Variants in S1PR4 observed in about 807,000 individuals in gnomAD.
The protein encoded by S1PR4 is sphingosine 1-phosphate receptor 4.
A neutral mutation model predicts 0.4 loss-of-function variants in S1PR4; 1 was observed. The ratio of observed to expected loss-of-function variants is 2.48; its 90% confidence interval spans 0.88 to 11.76. S1PR4 has a LOEUF of 11.76. Among genes scored for constraint, S1PR4 ranks in the 30% most tolerant of loss-of-function variants. S1PR4 has a pLI of 0.12. For missense variants in S1PR4, 595 were observed against 557.8 expected, an observed-to-expected ratio of 1.07 and a Z score of -0.67; for synonymous variants, 296 against 266.7, an observed-to-expected ratio of 1.11 and a Z score of -1.07.
In S1PR4 at chr19:3,179,216, G is replaced by T. The variant is rs886599845; in HGVS notation, c.424G>T (p.Glu142Ter). The stretch of plus-strand genomic sequence containing the variant: ...CTTCAGCCTGCTCTTCACTGCAGGG[G>T]AGCGCTTTGCCACCATGGTGCGGCC... ...STFSLLFTAG[E>*]RFATMVRPVA... Residue 142 changes from glutamate to a stop codon, truncating the protein, a stop_gained, in exon 1 of 1, where the codon GAG (glutamate) becomes TAG (stop). Coordinates refer to ENST00000246115, the MANE Select transcript of S1PR4 (RefSeq NM_003775.4). LOFTEE classifies it low-confidence loss of function (END_TRUNC). The T allele has an allele frequency of 6.2e-7, 1 of 1,603,252 alleles. No homozygotes were observed. The highest frequency in any genetic ancestry group is 8.5e-7 in the Non-Finnish European group (1 of 1,174,294).
rs769182864 is a variant in S1PR4, at chr19:3,178,950, C to T, written c.158C>T (p.Ser53Leu). The T allele has an allele frequency of 8.4e-6, 13 of 1,541,760 alleles. No individual in the cohort carries two copies. Among genetic ancestry groups the T allele is most frequent in the African/African-American group, 1.4e-5 (1 of 73,006 alleles). ...DGGLGALRGL[S>L]VAASCLVVLE... ...GGCCTGGGGGCCCTGCGGGGGCTGTCGGTGGCCGCCAGCTGCCTGGTGGTG... is the reference window on the plus strand; with the variant it reads ...GGCCTGGGGGCCCTGCGGGGGCTGTTGGTGGCCGCCAGCTGCCTGGTGGTG... Residue 53 changes from serine to leucine, a missense_variant, in exon 1 of 1, where the codon TCG (serine) becomes TTG (leucine). Transcript: ENST00000246115.
Position 3,178,876 on chromosome 19 carries a change from C to T in S1PR4, c.84C>T (p.His28=), listed in dbSNP as rs1173435559. Residue 28 remains histidine, a synonymous_variant, in exon 1 of 1, where the codon CAC becomes CAT. Coordinates refer to ENST00000246115, the MANE Select transcript of S1PR4 (RefSeq NM_003775.4). The part of the protein sequence containing the change: ...AGGHSRLIVL[H]YNHSGRLAGR... ...GGCACAGCCGGCTCATTGTTCTGCA[C>T]TACAACCACTCGGGCCGGCTGGCCG... 1.3e-6 allele frequency: 2 copies of T among 1,538,574 alleles called. No individual in the cohort carries two copies. The highest frequency in any genetic ancestry group is 2.0e-5 in the Admixed American group (1 of 50,506).
Position 3,179,987 on chromosome 19 carries a change from C to T in S1PR4, c.*40C>T, listed in dbSNP as rs199944949. 10 of 1,495,060 alleles carry T rather than the reference C, an allele frequency of 6.7e-6. No individual in the cohort carries two copies. In the Admixed American group the frequency reaches 7.1e-5, roughly 11 times the overall value. The allele number at this position is 1,495,060 out of a possible 1,614,324, so 92.6% of individuals were successfully genotyped here. ...GTGTGGATGGTGCAGCCACCGGGTG[C>T]GTGCCAGGCAGGCCCTCCTGGGGTA... On this transcript the variant is annotated 3_prime_UTR_variant, in exon 1 of 1. Transcript: ENST00000246115.
rs570365956 is a variant in S1PR4 at position 3,180,060 on chromosome 19, G to A, written c.*113G>A. 49 of 1,048,766 alleles carry A rather than the reference G, an allele frequency of 4.7e-5. No individual in the cohort carries two copies. Among genetic ancestry groups the A allele is most frequent in the Middle Eastern group, 2.6e-4 (1 of 3,782 alleles). The allele number at this position is 1,048,766 out of a possible 1,614,324, so 65.0% of individuals were successfully genotyped here. On this transcript the variant is annotated 3_prime_UTR_variant, in exon 1 of 1. Coordinates refer to ENST00000246115, the MANE Select transcript of S1PR4 (RefSeq NM_003775.4). ...CTCGCCTGTATGGGGAGCAGGGAAC[G>A]GGACAGGCCCCCATGGTCTTCCCGG...
In S1PR4 at chr19:3,179,866, G is replaced by A. The variant is rs201295160; in HGVS notation, c.1074G>A (p.Arg358=). 1.7e-4 allele frequency: 266 copies of A among 1,555,260 alleles called. 2 individuals carry two copies. The African/African-American group carries it at 3.1e-3, about 18-fold the overall frequency. ...ASTTDSSLRP[R]DSFRGSRSLS... Reference sequence around the variant, plus strand: ...CCACCGACAGCTCTCTGAGGCCAAGGGACAGCTTTCGCGGCTCCCGCTCGC... The same window carrying A: ...CCACCGACAGCTCTCTGAGGCCAAGAGACAGCTTTCGCGGCTCCCGCTCGC... The change falls in exon 1 of 1, where the codon AGG becomes AGA. Residue 358 remains arginine (R), a synonymous_variant. Transcript: ENST00000246115.
At position 3,179,358 on chromosome 19, in the gene S1PR4, C is replaced by T. The variant is rs1915498570; in HGVS notation, c.566C>T (p.Ala189Val). Residue 189 changes from alanine (A) to valine (V), a missense_variant, in exon 1 of 1, where the codon GCC becomes GTC. Transcript: ENST00000246115. ...TTGCTGGGCTGGAACTGCCTGTGCGCCTTTGACCGCTGCTCCAGCCTTCTG... is the reference window on the plus strand; with the variant it reads ...TTGCTGGGCTGGAACTGCCTGTGCGTCTTTGACCGCTGCTCCAGCCTTCTG... Reference protein sequence around the residue: ...LPLLGWNCLCAFDRCSSLLPL... With the variant: ...LPLLGWNCLCVFDRCSSLLPL... 1.9e-6 allele frequency: 3 copies of T among 1,613,186 alleles called. No homozygotes were observed. The highest frequency in any genetic ancestry group is 2.5e-6 in the Non-Finnish European group (3 of 1,179,922).
In S1PR4 at chr19:3,178,924, C is replaced by A. The variant is rs533330844; in HGVS notation, c.132C>A (p.Gly44=). Residue 44 remains glycine, a synonymous_variant, in exon 1 of 1, where the codon GGC becomes GGA. Transcript: ENST00000246115. ...CCGGGCGCGGGGGGCCGGAGGATGG[C>A]GGCCTGGGGGCCCTGCGGGGGCTGT... is the stretch of plus-strand genomic sequence containing the variant. The part of the protein sequence containing the change: ...RLAGRGGPED[G]GLGALRGLSV... The A allele has an allele frequency of 3.9e-6, 6 of 1,526,132 alleles. No individual in the cohort carries two copies. The highest frequency in any genetic ancestry group is 3.6e-5 in the South Asian group (3 of 82,752). 94.5% of individuals were successfully genotyped at this position (1,526,132 alleles called of 1,614,324 possible).
Position 3,179,811 on chromosome 19 carries a change from G to T in S1PR4, c.1019G>T (p.Arg340Leu), listed in dbSNP as rs199744093. 4.4e-6 allele frequency: 7 copies of T among 1,595,908 alleles called. No homozygotes were observed. The East Asian group carries it at 9.0e-5, about 20-fold the overall frequency. The stretch of plus-strand genomic sequence containing the variant: ...CGAGGGCCCGGGGACTGCCTGGCCC[G>T]GGCCGTCGAGGCTCACTCCGGAGCT... ...GMRGPGDCLA[R>L]AVEAHSGAST... Residue 340 changes from arginine to leucine, a missense_variant, in exon 1 of 1, where the codon CGG (arginine) becomes CTG (leucine). Arg to Leu is a moderately radical substitution (Grantham distance 102). Transcript: ENST00000246115.
In S1PR4 at chr19:3,178,811, C is replaced by A; in HGVS notation, c.19C>A (p.Pro7Thr). Residue 7 changes from proline to threonine, a missense_variant, in exon 1 of 1, where the codon CCG (proline) becomes ACG (threonine). Physicochemically the swap from Pro to Thr is conservative, Grantham distance 38. Coordinates refer to ENST00000246115, the MANE Select transcript of S1PR4 (RefSeq NM_003775.4). ...GGAGGCCATGAACGCCACGGGGACC[C>A]CGGTGGCCCCCGAGTCCTGCCAACA... MNATGT[P>T]VAPESCQQLA... 6.6e-7 allele frequency: 1 copy of A among 1,516,898 alleles called. No individual in the cohort carries two copies. Among genetic ancestry groups the A allele is most frequent in the Non-Finnish European group, 8.8e-7 (1 of 1,139,470 alleles). The allele number at this position is 1,516,898 out of a possible 1,614,324, so 94.0% of individuals were successfully genotyped here.
Position 3,178,929 on chromosome 19 carries a change from T to G in S1PR4, c.137T>G (p.Leu46Arg). Residue 46 changes from leucine (L) to arginine (R), a missense_variant, in exon 1 of 1, where the codon CTG becomes CGG. By Grantham distance (102) the Leu-to-Arg change is moderately radical. Transcript: ENST00000246115. ...CGCGGGGGGCCGGAGGATGGCGGCC[T>G]GGGGGCCCTGCGGGGGCTGTCGGTG... is the stretch of plus-strand genomic sequence containing the variant. Reference protein sequence around the residue: ...AGRGGPEDGGLGALRGLSVAA... With the variant: ...AGRGGPEDGGRGALRGLSVAA... 1.3e-6 allele frequency: 2 copies of G among 1,530,008 alleles called. No homozygotes were observed. The highest frequency in any genetic ancestry group is 1.7e-6 in the Non-Finnish European group (2 of 1,144,158). 94.8% of individuals were successfully genotyped at this position (1,530,008 alleles called of 1,614,324 possible). A position where few individuals can be genotyped will look rare whatever the true frequency, so the allele number is the denominator to read the frequency against.
At position 3,179,751 on chromosome 19, in the gene S1PR4, G is replaced by C. The variant is rs565244887; in HGVS notation, c.959G>C (p.Ser320Thr). 6.2e-7 allele frequency: 1 copy of C among 1,611,922 alleles called. No homozygotes were observed. The highest frequency in any genetic ancestry group is 2.2e-5 in the East Asian group (1 of 44,828). ...AGGGAGGTGTGCAGAGCCGTGCTCA[G>C]CTTCCTCTGCTGCGGGTGTCTCCGG... The part of the protein sequence containing the change: ...RSREVCRAVL[S>T]FLCCGCLRLG... Residue 320 changes from serine (S) to threonine (T), a missense_variant, in exon 1 of 1, where the codon AGC becomes ACC. By Grantham distance (58) the Ser-to-Thr change is moderately conservative. Coordinates refer to ENST00000246115, the MANE Select transcript of S1PR4 (RefSeq NM_003775.4).
rs1568305204 is a variant in S1PR4, at chr19:3,178,906, C to CG, written c.120dup (p.Pro41AlafsTer52). ...ACCACTCGGGCCGGCTGGCCGGGCG[C>CG]GGGGGGCCGGAGGATGGCGGCCTGG... On this transcript the variant is annotated frameshift_variant, in exon 1 of 1. Coordinates refer to ENST00000246115, the MANE Select transcript of S1PR4 (RefSeq NM_003775.4). LOFTEE classifies it low-confidence loss of function (END_TRUNC). 5 of 1,522,448 alleles carry CG rather than the reference C, an allele frequency of 3.3e-6. No individual in the cohort carries two copies. Among genetic ancestry groups the CG allele is most frequent in the East Asian group, 4.9e-5 (2 of 40,554 alleles). The allele number at this position is 1,522,448 out of a possible 1,614,324, so 94.3% of individuals were successfully genotyped here.
chr19:3,180,158 T>C lies in S1PR4; in HGVS notation c.*211T>C. The C allele has an allele frequency of 2.2e-6, 1 of 463,266 alleles. No homozygotes were observed. Among genetic ancestry groups the C allele is most frequent in the Non-Finnish European group, 3.9e-6 (1 of 257,588 alleles). The allele number at this position is 463,266 out of a possible 1,614,324, so 28.7% of individuals were successfully genotyped here. A position where few individuals can be genotyped will look rare whatever the true frequency, so the allele number is the denominator to read the frequency against. On this transcript the variant is annotated 3_prime_UTR_variant, in exon 1 of 1. Coordinates refer to ENST00000246115, the MANE Select transcript of S1PR4 (RefSeq NM_003775.4). ...TGGACAAGGAGGCAACCACCCCACC[T>C]CCCCGTAGGAGCAGAGAGCACCCTG... is the stretch of plus-strand genomic sequence containing the variant.
Position 3,179,950 on chromosome 19 carries a change from T to G in S1PR4, c.*3T>G. 1 of 1,510,238 alleles carries G rather than the reference T, an allele frequency of 6.6e-7. No individual in the cohort carries two copies. The highest frequency in any genetic ancestry group is 8.9e-7 in the Non-Finnish European group (1 of 1,129,678). The allele number at this position is 1,510,238 out of a possible 1,614,324, so 93.6% of individuals were successfully genotyped here. A position where few individuals can be genotyped will look rare whatever the true frequency, so the allele number is the denominator to read the frequency against. ...TCTCCAGCGTGCGGAGCATCTGAAG[T>G]TGCAGTCTTGCGTGTGGATGGTGCA... is the stretch of plus-strand genomic sequence containing the variant. On this transcript the variant is annotated 3_prime_UTR_variant, in exon 1 of 1. Transcript: ENST00000246115.
rs1234317341 is a variant in S1PR4 at position 3,179,471 on chromosome 19, T to G, written c.679T>G (p.Phe227Val). 6.2e-7 allele frequency: 1 copy of G among 1,612,780 alleles called. No homozygotes were observed. Among genetic ancestry groups the G allele is most frequent in the Non-Finnish European group, 8.5e-7 (1 of 1,179,682 alleles). ...ATIMGLYGAI[F>V]RLVQASGQKA... ...CATCATGGGCCTCTATGGGGCCATC[T>G]TCCGCCTGGTGCAGGCCAGCGGGCA... The change falls in exon 1 of 1, where the codon TTC (phenylalanine) becomes GTC (valine). Residue 227 changes from phenylalanine to valine, a missense_variant. Coordinates refer to ENST00000246115, the MANE Select transcript of S1PR4 (RefSeq NM_003775.4).
Position 3,178,903 on chromosome 19 carries a change from G to A in S1PR4, c.111G>A (p.Gly37=). 3 of 1,523,944 alleles carry A rather than the reference G, an allele frequency of 2.0e-6. No homozygotes were observed. The highest frequency in any genetic ancestry group is 2.6e-6 in the Non-Finnish European group (3 of 1,141,348). 94.4% of individuals were successfully genotyped at this position (1,523,944 alleles called of 1,614,324 possible). A position where few individuals can be genotyped will look rare whatever the true frequency, so the allele number is the denominator to read the frequency against. The change falls in exon 1 of 1, where the codon GGG becomes GGA. Residue 37 remains glycine (G), a synonymous_variant. Coordinates refer to ENST00000246115, the MANE Select transcript of S1PR4 (RefSeq NM_003775.4). ...ACAACCACTCGGGCCGGCTGGCCGG[G>A]CGCGGGGGGCCGGAGGATGGCGGCC... ...LHYNHSGRLA[G]RGGPEDGGLG... is the part of the protein sequence containing the mutation.
chr19:3,179,428 C>T lies in S1PR4; in HGVS notation c.636C>T (p.Phe212=), dbSNP rs770560968. The T allele has an allele frequency of 2.0e-5, 33 of 1,613,206 alleles. No individual in the cohort carries two copies. The highest frequency in any genetic ancestry group is 2.0e-4 in the East Asian group (9 of 44,884). ...KRYILFCLVI[F]AGVLATIMGL... Reference sequence around the variant, plus strand: ...ACATCCTCTTCTGCCTGGTGATCTTCGCCGGCGTCCTGGCCACCATCATGG... The same window carrying T: ...ACATCCTCTTCTGCCTGGTGATCTTTGCCGGCGTCCTGGCCACCATCATGG... Residue 212 remains phenylalanine, a synonymous_variant, in exon 1 of 1, where the codon TTC becomes TTT. Transcript: ENST00000246115.
rs200756648 is a variant in S1PR4 at position 3,179,919 on chromosome 19, C to G, written c.1127C>G (p.Ser376Cys). ...AGCTTTCGGATGCGGGAGCCCCTGT[C>G]CAGCATCTCCAGCGTGCGGAGCATC... The part of the protein sequence containing the change: ...SLSFRMREPL[S>C]SISSVRSI Residue 376 changes from serine (S) to cysteine (C), a missense_variant, in exon 1 of 1, where the codon TCC (serine) becomes TGC (cysteine). Ser to Cys is a moderately radical substitution (Grantham distance 112). Coordinates refer to ENST00000246115, the MANE Select transcript of S1PR4 (RefSeq NM_003775.4). The G allele has an allele frequency of 6.6e-7, 1 of 1,514,656 alleles. No individual in the cohort carries two copies. The highest frequency in any genetic ancestry group is 8.8e-7 in the Non-Finnish European group (1 of 1,132,066). 93.8% of individuals were successfully genotyped at this position (1,514,656 alleles called of 1,614,324 possible).
chr19:3,179,278 C>T lies in S1PR4; in HGVS notation c.486C>T (p.Val162=), dbSNP rs1485657636. The T allele has an allele frequency of 1.2e-6, 2 of 1,605,624 alleles. No individual in the cohort carries two copies. Among genetic ancestry groups the T allele is most frequent in the South Asian group, 2.2e-5 (2 of 90,010 alleles). ...GCGGGGCCACCAAGACCAGCCGCGTCTACGGCTTCATCGGCCTCTGCTGGC... is the reference window on the plus strand; with the variant it reads ...GCGGGGCCACCAAGACCAGCCGCGTTTACGGCTTCATCGGCCTCTGCTGGC... ...AESGATKTSR[V]YGFIGLCWLL... The change falls in exon 1 of 1, where the codon GTC becomes GTT. Residue 162 remains valine (V), a synonymous_variant. Coordinates refer to ENST00000246115, the MANE Select transcript of S1PR4 (RefSeq NM_003775.4).
Sources: allele counts gnomAD v4.1 joint callset, GRCh38; gene constraint gnomAD v4.1.1; transcripts MANE v1.5; gene names NCBI Gene and HGNC (gene_info 2026-07-23, HGNC 2026-07-21).